DPP10: variants seen among roughly 807,000 people sequenced by gnomAD.
DPP10 encodes dipeptidyl peptidase like 10, also known as inactive dipeptidyl peptidase 10.
DPP10 carries 33 observed loss-of-function variants against 120.9 expected under a neutral mutation model. The observed-to-expected ratio is 0.27, with a 90% CI of 0.21 to 0.37. The LOEUF (loss-of-function observed/expected upper bound fraction) is 0.37. Ranked by LOEUF, DPP10 falls within the 10% of genes least tolerant of loss-of-function variation. The pLI, the probability that DPP10 is intolerant of heterozygous loss-of-function variation, is 1.00. For synonymous variants in DPP10, 337 were observed against 326.1 expected (o/e 1.03, Z -0.36); for missense variants, 816 against 942.8 (o/e 0.87, Z 1.76).
intron 4 of DPP10, among the ~76,000 whole-genome samples, chr2:115,510,250 AACTT>A (rs1229921174): frequency 6.6e-6 from 1 of 152,060 alleles, no homozygotes; most frequent in African/African-American, 2.4e-5. Flanking sequence ...AATTTAGACT[AACTT>A]CTTTTTGTGT....
chr2:115,172,695 A>G (rs1199965473), intron 1 of DPP10, among the ~76,000 whole-genome samples: 2 of 152,200 alleles, frequency 1.3e-5, no homozygotes, highest in Non-Finnish European at 1.5e-5. Context: ...AGGATCAGCA[A>G]TGAAATAGGT....
rs141150357 is a variant in DPP10 at position 114,924,520 on chromosome 2, T to A, written c.61-384719T>A. Among the ~76,000 whole-genome samples, 226 of 144,272 alleles carry A rather than the reference T, an allele frequency of 1.6e-3. 1 individual carries two copies. The highest frequency in any genetic ancestry group is 5.6e-3 in the African/African-American group (219 of 39,262). 94.6% of individuals were successfully genotyped at this position (144,272 alleles called of 152,430 possible). On this transcript the variant is annotated intron_variant, in intron 1 of 25. Coordinates refer to ENST00000410059, the MANE Select transcript of DPP10 (RefSeq NM_020868.6). ...CAGCCTGGGCAACAGAGTGAGAATCTGTCTCAAAAAAAAAAAAGAAAGAGG... is the reference window on the plus strand; with the variant it reads ...CAGCCTGGGCAACAGAGTGAGAATCAGTCTCAAAAAAAAAAAAGAAAGAGG...
intron 1 of DPP10, among the ~76,000 whole-genome samples, chr2:114,924,979 A>T (rs376425128): frequency 0.017 from 2,514 of 152,216 alleles, 80 homozygotes; most frequent in African/African-American, 0.057. Context: ...TGGGAGGCCG[A>T]GGGGGGCTAA....
chr2:115,628,432 G>A (rs1304907112), intron 5 of DPP10, among the ~76,000 whole-genome samples: 1 of 152,018 alleles, frequency 6.6e-6, no homozygotes, highest in African/African-American at 2.4e-5. Flanking sequence ...CTTGTCAGAT[G>A]GATAAATTGG....
intron 1 of DPP10, among the ~76,000 whole-genome samples, chr2:115,140,715 G>A (rs1002024622): frequency 3.3e-5 from 5 of 152,116 alleles, no homozygotes; most frequent in Non-Finnish European, 5.9e-5. Context: ...TAGACTGGGG[G>A]TAGTGTGTGA....
At chr2:115,063,082 T>A (rs1000917370) in intron 1 of DPP10, among the ~76,000 whole-genome samples, 2 of 152,202 alleles carry the variant, frequency 1.3e-5, no homozygotes, top group Non-Finnish European at 2.9e-5. Context: ...TAATCACTAT[T>A]TTGACTGTTG....
chr2:115,532,679 A>C (rs2078540634), intron 5 of DPP10, among the ~76,000 whole-genome samples: 1 of 152,008 alleles, frequency 6.6e-6, no homozygotes, highest in African/African-American at 2.4e-5. Context: ...TTTTAATGCC[A>C]TAAAATTAAA....
chr2:115,194,527 G>A (rs1207611893), intron 1 of DPP10, among the ~76,000 whole-genome samples: 4 of 152,160 alleles, frequency 2.6e-5, no homozygotes, highest in African/African-American at 9.6e-5. Context: ...ACAAAAAGAT[G>A]GAATGGCTGC....
chr2:115,794,059 C>T (rs146593077), intron 19 of DPP10, among the ~76,000 whole-genome samples: 1 of 152,066 alleles, frequency 6.6e-6, no homozygotes, highest in African/African-American at 2.4e-5. Context: ...AAATTGACTT[C>T]CCATTCTAAA....
At chr2:115,309,613 C>G (rs1428639404) in intron 2 of DPP10, among the ~76,000 whole-genome samples, 1 of 151,930 alleles carries the variant, frequency 6.6e-6, no homozygotes. Context: ...GTCTCCATTG[C>G]CACTTACAGA....
intron 1 of DPP10, among the ~76,000 whole-genome samples, chr2:115,263,313 C>G (rs1440571098): frequency 1.3e-5 from 2 of 152,216 alleles, no homozygotes. Flanking sequence ...GCCTGCATCT[C>G]TGGTTCTCCA....
At chr2:115,706,964 A>G (rs10208821) in intron 7 of DPP10, among the ~76,000 whole-genome samples, 223 of 152,114 alleles carry the variant, frequency 1.5e-3, no homozygotes, top group African/African-American at 5.2e-3. Flanking sequence ...CTCCTTAAGA[A>G]CAACCAAAGA....
intron 11 of DPP10, among the ~76,000 whole-genome samples, chr2:115,757,347 A>G (rs1308026780): frequency 6.6e-6 from 1 of 152,030 alleles, no homozygotes; most frequent in Non-Finnish European, 1.5e-5. Flanking sequence ...AATAATAATA[A>G]TAAGGTTTAT....
At chr2:115,617,119 T>A (rs1219984059) in intron 5 of DPP10, among the ~76,000 whole-genome samples, 1 of 150,132 alleles carries the variant, frequency 6.7e-6, no homozygotes, top group Non-Finnish European at 1.5e-5. Flanking sequence ...GTGCTGGGGA[T>A]ACAATTATAG....
intron 1 of DPP10, among the ~76,000 whole-genome samples, chr2:114,949,954 A>T (rs12476771): frequency 0.99 from 150,180 of 152,292 alleles, 74,077 homozygotes; most frequent in Non-Finnish European, 1. Context: ...TTAAGATAGA[A>T]TCCAGAGTAG....
intron 15 of DPP10, among the ~76,000 whole-genome samples, chr2:115,779,809 T>C (rs1225741395): frequency 6.6e-6 from 1 of 151,596 alleles, no homozygotes; most frequent in Admixed American, 6.7e-5. Context: ...GCTATGGATA[T>C]TTTATAAGTT....
intron 1 of DPP10, among the ~76,000 whole-genome samples, chr2:114,820,110 CA>C (rs1305190991): frequency 6.6e-6 from 1 of 152,138 alleles, no homozygotes; most frequent in Non-Finnish European, 1.5e-5. Flanking sequence ...AGCCAAATTT[CA>C]AAAACACATT....
At chr2:114,474,853 T>C (rs188362380) in intron 1 of DPP10, among the ~76,000 whole-genome samples, 5 of 152,338 alleles carry the variant, frequency 3.3e-5, no homozygotes, top group African/African-American at 1.2e-4. Flanking sequence ...GTAGGGGCTA[T>C]ATTCCAGAAG....
At chr2:115,838,693 C>T (rs1689782066) in intron 24 of DPP10, among the ~76,000 whole-genome samples, 1 of 152,162 alleles carries the variant, frequency 6.6e-6, no homozygotes, top group Non-Finnish European at 1.5e-5. Context: ...CACTCAGTCA[C>T]AGGCCTGGCG....
Sources: gnomAD v4.1 joint callset for allele counts (sites outside exome capture counted in the v4.1 genomes callset) on GRCh38, gnomAD v4.1.1 for gene constraint, MANE v1.5 for transcripts, NCBI Gene and HGNC (gene_info 2026-07-23, HGNC 2026-07-21) for gene names.